FOXP2: variants seen among roughly 807,000 people sequenced by gnomAD.
The protein encoded by FOXP2 is forkhead box protein P2.
In FOXP2, 12 loss-of-function variants were observed where a neutral mutation model predicts 115.8. That is an observed-to-expected ratio of 0.10 (90% CI 0.07 to 0.17). The LOEUF is 0.17. Among genes scored for constraint, FOXP2 ranks in the 10% least tolerant of loss-of-function variants. The probability of loss-of-function intolerance (pLI) is 1.00; values close to 1 mark genes in which losing one functional copy is unlikely to be tolerated. For missense variants in FOXP2, 629 were observed against 843.5 expected, an observed-to-expected ratio of 0.75 and a Z score of 3.15; for synonymous variants, 328 against 297.7, an observed-to-expected ratio of 1.10 and a Z score of -1.05.
At chr7:114,181,284 A>ATG (rs1793447867) in intron 1 of FOXP2, among the ~76,000 whole-genome samples, 1 of 149,358 alleles carries the variant, frequency 6.7e-6, no homozygotes, top group Admixed American at 6.7e-5. Flanking sequence ...ATTAATATAT[A>ATG]TATATATATA....
intron 2 of FOXP2, among the ~76,000 whole-genome samples, chr7:114,514,875 AC>A (rs1280516233): frequency 1.9e-4 from 14 of 72,098 alleles, no homozygotes; most frequent in African/African-American, 7.3e-4. Context: ...CCTTCCCCCC[AC>A]CCCACAACAG....
intron 3 of FOXP2, among the ~76,000 whole-genome samples, chr7:114,593,261 C>T (rs181288323): frequency 6.6e-6 from 1 of 151,786 alleles, no homozygotes; most frequent in East Asian, 1.9e-4. Flanking sequence ...TCACTCTATT[C>T]CACCACATAG....
chr7:114,273,170 A>C (rs182606917), intron 1 of FOXP2, among the ~76,000 whole-genome samples: 74 of 152,024 alleles, frequency 4.9e-4, no homozygotes, highest in African/African-American at 1.7e-3. Context: ...AATGTTATTA[A>C]ATTTCTCTTG....
intron 2 of FOXP2, among the ~76,000 whole-genome samples, chr7:114,301,739 T>C (rs1796884081): frequency 6.6e-6 from 1 of 152,138 alleles, no homozygotes; most frequent in Non-Finnish European, 1.5e-5. Context: ...CTTAGCAGCA[T>C]AACTTGGAGG....
At chr7:114,224,460 C>T (rs569216304) in intron 1 of FOXP2, among the ~76,000 whole-genome samples, 1 of 152,224 alleles carries the variant, frequency 6.6e-6, no homozygotes, top group Admixed American at 6.5e-5. Context: ...TGACTGTGTA[C>T]AAATTTCTAG....
chr7:114,373,196 A>AT lies in FOXP2; in HGVS notation c.-10-53301dup, dbSNP rs775136330. On this transcript the variant is annotated intron_variant, in intron 2 of 17. Coordinates refer to the FOXP2 transcript ENST00000634411. The stretch of plus-strand genomic sequence containing the variant: ...GTTTGTTTGTTTTGTTTTGTTTTGT[A>AT]TTTTTAGTAGAGATGGGATTTCACC... Among the ~76,000 whole-genome samples the AT allele has an allele frequency of 1.3e-3, 202 of 151,916 alleles. 1 individual carries two copies. Among genetic ancestry groups the AT allele is most frequent in the Middle Eastern group, 0.01 (3 of 294 alleles).
At chr7:114,319,749 A>G (rs1797371455) in intron 2 of FOXP2, among the ~76,000 whole-genome samples, 1 of 152,192 alleles carries the variant, frequency 6.6e-6, no homozygotes, top group Non-Finnish European at 1.5e-5. Flanking sequence ...CATATGAACT[A>G]CCAAAATATA....
At chr7:114,317,984 TTTTGC>T in intron 2 of FOXP2, among the ~76,000 whole-genome samples, 1 of 152,252 alleles carries the variant, frequency 6.6e-6, no homozygotes, top group Non-Finnish European at 1.5e-5. Context: ...TCCTTGAAGT[TTTTGC>T]TTGTCACTTT....
intron 2 of FOXP2, among the ~76,000 whole-genome samples, chr7:114,447,455 G>C (rs1794884459): frequency 6.6e-6 from 1 of 152,000 alleles, no homozygotes; most frequent in African/African-American, 2.4e-5. Context: ...TACCTCTCCT[G>C]CCTCATTTCT....
At chr7:114,483,707 A>G (rs760542452) in intron 2 of FOXP2, among the ~76,000 whole-genome samples, 103 of 151,882 alleles carry the variant, frequency 6.8e-4, no homozygotes, top group Non-Finnish European at 1.2e-3. Context: ...CAAACTCTAT[A>G]AAGTCTTTGA....
intron 15 of FOXP2, 101 bp from the exon 16 acceptor site, chr7:114,664,172 A>G (rs1807036594): frequency 2.3e-6 from 3 of 1,305,366 alleles, no homozygotes; most frequent in Non-Finnish European, 3.2e-6. Context: ...CTTCTAAAAT[A>G]TCTATTTCCT....
At chr7:114,427,507 A>C (rs1230658377) in intron 2 of FOXP2, among the ~76,000 whole-genome samples, 3 of 151,636 alleles carry the variant, frequency 2.0e-5, no homozygotes, top group Non-Finnish European at 4.4e-5. Flanking sequence ...GCATATACTT[A>C]TATTAGGCCA....
intron 11 of FOXP2, among the ~76,000 whole-genome samples, chr7:114,658,632 G>T (rs890833951): frequency 6.6e-6 from 1 of 152,154 alleles, no homozygotes; most frequent in African/African-American, 2.4e-5. Flanking sequence ...ACGAAACACC[G>T]TTGCTTTATG....
chr7:114,524,694 C>G (rs1246744605), intron 2 of FOXP2, among the ~76,000 whole-genome samples: 1 of 152,024 alleles, frequency 6.6e-6, no homozygotes, highest in Non-Finnish European at 1.5e-5. Context: ...TTTTTCTTTT[C>G]TTTTTACTTT....
chr7:114,588,317 A>G (rs898623386), intron 3 of FOXP2, among the ~76,000 whole-genome samples: 28 of 151,958 alleles, frequency 1.8e-4, no homozygotes, highest in African/African-American at 6.5e-4. Flanking sequence ...AAAAACAAAA[A>G]CAAAAACAAA....
intron 1 of FOXP2, among the ~76,000 whole-genome samples, chr7:114,283,374 A>G (rs1210461227): frequency 6.6e-6 from 1 of 152,140 alleles, no homozygotes; most frequent in Non-Finnish European, 1.5e-5. Context: ...CCTAATTTAT[A>G]ATATATTCTT....
At chr7:114,500,272 A>C (rs908166852) in intron 2 of FOXP2, among the ~76,000 whole-genome samples, 2 of 151,376 alleles carry the variant, frequency 1.3e-5, no homozygotes, top group African/African-American at 4.8e-5. Context: ...TGTCAAAATG[A>C]GAAACTGAAA....
chr7:114,534,369 T>C lies in FOXP2; in HGVS notation c.169-248T>C, dbSNP rs533473395. ...TTGATGCAGTTTATGATTTTTATCC[T>C]CTTTAAGCACTTTAAACAAATTAAC... On this transcript the variant is annotated intron_variant, in intron 2 of 16. Coordinates refer to ENST00000350908, the MANE Select transcript of FOXP2 (RefSeq NM_014491.4). Among the ~76,000 whole-genome samples the C allele has an allele frequency of 3.3e-5, 5 of 152,028 alleles. No individual in the cohort carries two copies. The East Asian group carries it at 9.7e-4, about 29-fold the overall frequency.
chr7:114,317,493 A>T (rs1462555130), intron 2 of FOXP2, among the ~76,000 whole-genome samples: 8 of 152,178 alleles, frequency 5.3e-5, no homozygotes, highest in Non-Finnish European at 7.4e-5. Flanking sequence ...CTGCACTAAA[A>T]TATAAACACA....
Sources: allele counts gnomAD v4.1 joint callset (sites outside exome capture counted in the v4.1 genomes callset), GRCh38; gene constraint gnomAD v4.1.1; transcripts MANE v1.5; gene names NCBI Gene and HGNC (gene_info 2026-07-23, HGNC 2026-07-21).